The following HLA-DQA1 variants were observed in gnomAD, a reference collection of about 807,000 sequenced individuals.
HLA-DQA1 encodes the protein HLA class II histocompatibility antigen, DQ alpha 1 chain.
Under a neutral mutation model 20.7 loss-of-function variants are expected in HLA-DQA1, and 10 were observed. The observed-to-expected ratio is 0.48, with a 90% CI of 0.30 to 0.82. HLA-DQA1 has a LOEUF of 0.82. HLA-DQA1 is among the 40% of genes least tolerant of loss of function. The pLI, the probability that HLA-DQA1 is intolerant of heterozygous loss-of-function variation, is 0.07. For missense variants in HLA-DQA1, 127 were observed against 293.0 expected (o/e 0.43, Z 4.14); for synonymous variants, 39 against 109.2 (o/e 0.36, Z 4.01).
At chr6:32,640,121 AG>A (rs28359904) in intron 1 of HLA-DQA1, among the ~76,000 whole-genome samples, 9,266 of 91,356 alleles carry the variant, frequency 0.1, 1,618 homozygotes, top group East Asian at 0.22. Context: ...TGCAAAGACC[AG>A]GGAACATGAA....
Position 32,640,764 on chromosome 6 carries a change from G to T in HLA-DQA1, c.83-546G>T, listed in dbSNP as rs1781323850. The stretch of plus-strand genomic sequence containing the variant: ...ATACTCTTTCTTATACCCTACAATT[G>T]TTAGCAGAAATTATTTTAAATTAAT... On this transcript the variant is annotated intron_variant, in intron 1 of 4. Coordinates refer to ENST00000343139, the MANE Select transcript of HLA-DQA1 (RefSeq NM_002122.5). Among the ~76,000 whole-genome samples the T allele has an allele frequency of 2.2e-5, 2 of 91,846 alleles. 1 individual carries two copies. Among genetic ancestry groups the T allele is most frequent in the African/African-American group, 7.6e-5 (2 of 26,288 alleles). The allele number at this position is 91,846 out of a possible 152,430, so 60.3% of individuals were successfully genotyped here. A position where few individuals can be genotyped will look rare whatever the true frequency, so the allele number is the denominator to read the frequency against.
In HLA-DQA1 at chr6:32,641,564, C is replaced by A. The variant is rs9272712; in HGVS notation, c.331+6C>A. 1 of 962,092 alleles carries A rather than the reference C, an allele frequency of 1.0e-6. No individual in the cohort carries two copies. The highest frequency in any genetic ancestry group is 1.4e-6 in the Non-Finnish European group (1 of 701,102). 59.6% of individuals were successfully genotyped at this position (962,092 alleles called of 1,614,324 possible). A position where few individuals can be genotyped will look rare whatever the true frequency, so the allele number is the denominator to read the frequency against. On this transcript the variant is annotated splice_donor_region_variant and intron_variant, in intron 2 of 4. Coordinates refer to ENST00000343139, the MANE Select transcript of HLA-DQA1 (RefSeq NM_002122.5). Reference sequence around the variant, plus strand: ...CTCTACCGCTGCTACCAATGGTATGCGTCCACCATTCTGCCTCTCTTTACT... The same window carrying A: ...CTCTACCGCTGCTACCAATGGTATGAGTCCACCATTCTGCCTCTCTTTACT...
downstream of HLA-DQA1, chr6:32,646,142 G>A (rs997286519): frequency 2.2e-5 from 1 of 46,422 alleles, no homozygotes; most frequent in African/African-American, 7.0e-5. Context: ...CTATCAATAG[G>A]GTTACAGATC....
chr6:32,644,733 T>C (rs1451672844), downstream of HLA-DQA1: 1 of 110,144 alleles, frequency 9.1e-6, no homozygotes, highest in African/African-American at 3.2e-5. Flanking sequence ...TTTTTCTTTT[T>C]CCAGAATGAG....
chr6:32,641,521 CA>C lies in HLA-DQA1; in HGVS notation c.295del (p.Met99Ter), dbSNP rs199556640. The C allele has an allele frequency of 4.1e-4, 409 of 1,007,508 alleles. 51 individuals are homozygous for C. Among genetic ancestry groups the C allele is most frequent in the Admixed American group, 1.4e-3 (36 of 25,792 alleles). 62.4% of individuals were successfully genotyped at this position (1,007,508 alleles called of 1,614,324 possible). On this transcript the variant is annotated frameshift_variant, in exon 2 of 5. Transcript: ENST00000343139. LOFTEE classifies it high-confidence loss of function. ...CTGTGGCAAAACACAACTTGAACAT[CA>C]TGATTAAACGCTACAACTCTACCGC... ...MAVAKHNLNI[M>X]IKRYNSTAAT...
downstream of HLA-DQA1, among the ~76,000 whole-genome samples, chr6:32,647,329 C>T (rs1362614782): frequency 9.3e-5 from 9 of 96,406 alleles, 3 homozygotes; most frequent in African/African-American, 1.4e-4. Context: ...ATTAGCTGGG[C>T]GTGGTGGTGG....
At chr6:32,652,380 A>T in the HLA-DQA1 span, among the ~76,000 whole-genome samples, 5 of 100,092 alleles carry the variant, frequency 5.0e-5, 1 homozygote, top group Non-Finnish European at 9.0e-5. Flanking sequence ...TTTACCTACC[A>T]CACAGTTTTA....
At chr6:32,646,874 G>GAGAGAGAGAGAGAGAGAGAAAGAAGAGA, downstream of HLA-DQA1, 1 of 45,234 alleles carries the variant, frequency 2.2e-5, no homozygotes, top group East Asian at 6.7e-4. Flanking sequence ...TCAAGAGAGA[G>GAGAGAGAGAGAGAGAGAGAAAGAAGAGA]AGAGAAGAGA....
chr6:32,649,815 A>G (rs1425929979), downstream of HLA-DQA1, among the ~76,000 whole-genome samples: 2 of 95,556 alleles, frequency 2.1e-5, 1 homozygote, highest in African/African-American at 7.2e-5. Flanking sequence ...AGCAATGGCA[A>G]CAAAAGCCAA....
rs145384156 is a variant in HLA-DQA1 at position 32,638,983 on chromosome 6, G to A, written c.82+1443G>A. 137 of 354,564 alleles carry A rather than the reference G, an allele frequency of 3.9e-4. 19 individuals are homozygous for A. The highest frequency in any genetic ancestry group is 2.3e-3 in the Middle Eastern group (5 of 2,216). The allele number at this position is 354,564 out of a possible 1,614,324, so 22.0% of individuals were successfully genotyped here. On this transcript the variant is annotated intron_variant, in intron 1 of 4. Transcript: ENST00000343139. The stretch of plus-strand genomic sequence containing the variant: ...TTGTAAAACAAAAGTTGAAAAGTCA[G>A]ATAGTTAAAAGGGGAAGTGAACTGG...
At chr6:32,641,804 C>T (rs146420652) in intron 2 of HLA-DQA1, among the ~76,000 whole-genome samples, 168 bp from the exon 3 acceptor site, 6,118 of 111,536 alleles carry the variant, frequency 0.055, 412 homozygotes, top group East Asian at 0.096. Context: ...GAGAAGGGCA[C>T]AGGAATAAAG....
At chr6:32,645,935 G>A (rs9273215), downstream of HLA-DQA1, 274 of 29,738 alleles carry the variant, frequency 9.2e-3, 4 homozygotes, top group Non-Finnish European at 0.01. Flanking sequence ...CCAGAGTCAT[G>A]CAGAAATCTA....
downstream of HLA-DQA1, among the ~76,000 whole-genome samples, chr6:32,648,100 A>G (rs17612683): frequency 0.5 from 57,318 of 114,756 alleles, 16,169 homozygotes; most frequent in Middle Eastern, 0.7. Flanking sequence ...ATCTTGAGAT[A>G]AAATAAGATG....
chr6:32,644,974 GA>G (rs1381418472), downstream of HLA-DQA1: 3 of 144,832 alleles, frequency 2.1e-5, no homozygotes, highest in East Asian at 6.2e-4. Flanking sequence ...GTAAGCACAG[GA>G]AATCTGAACC....
the HLA-DQA1 span, among the ~76,000 whole-genome samples, chr6:32,655,157 C>A: frequency 1.8e-5 from 1 of 54,116 alleles, no homozygotes; most frequent in East Asian, 6.6e-4. Flanking sequence ...TCATGTAGTA[C>A]CCTGTAAATG....
chr6:32,643,309 G>T lies in HLA-DQA1; in HGVS notation c.*378G>T. ...TTCATCCAGGGCTGACTGAAACTAT[G>T]GCTAATAATTGGGGTACTCTTATGT... On this transcript the variant is annotated 3_prime_UTR_variant, in exon 5 of 5. Coordinates refer to ENST00000343139, the MANE Select transcript of HLA-DQA1 (RefSeq NM_002122.5). The T allele has an allele frequency of 3.4e-6, 1 of 296,330 alleles. No individual in the cohort carries two copies. Among genetic ancestry groups the T allele is most frequent in the Non-Finnish European group, 6.7e-6 (1 of 149,730 alleles). The allele number at this position is 296,330 out of a possible 1,614,324, so 18.4% of individuals were successfully genotyped here.
chr6:32,654,692 C>T, the HLA-DQA1 span, among the ~76,000 whole-genome samples: 3 of 95,446 alleles, frequency 3.1e-5, 1 homozygote, highest in Non-Finnish European at 7.0e-5. Context: ...GATGTGGAAC[C>T]CACAGATACA....
In HLA-DQA1 at chr6:32,640,823, A is replaced by AAGAAAG. The variant is rs1554150733; in HGVS notation, c.83-486_83-485insGAAAGA. Among the ~76,000 whole-genome samples, 55 of 111,876 alleles carry AAGAAAG rather than the reference A, an allele frequency of 4.9e-4. 2 individuals are homozygous for AAGAAAG. The highest frequency in any genetic ancestry group is 2.8e-3 in the South Asian group (10 of 3,540). The allele number at this position is 111,876 out of a possible 152,430, so 73.4% of individuals were successfully genotyped here. A position where few individuals can be genotyped will look rare whatever the true frequency, so the allele number is the denominator to read the frequency against. On this transcript the variant is annotated intron_variant, in intron 1 of 4. Transcript: ENST00000343139. ...GCATGCTTTTCCTTTAAAAAAAAAAAAAAGAAAGATCTCTGTGTAGAGTGT... is the reference window on the plus strand; with the variant it reads ...GCATGCTTTTCCTTTAAAAAAAAAAAAGAAAGAAAGAAAGATCTCTGTGTAGAGTGT...
downstream of HLA-DQA1, among the ~76,000 whole-genome samples, chr6:32,651,879 C>A (rs1426336944): frequency 6.2e-5 from 6 of 96,130 alleles, 3 homozygotes; most frequent in Non-Finnish European, 9.2e-5. Flanking sequence ...ATAAAATATT[C>A]CAGTAAGGGA....
Sources: allele counts gnomAD v4.1 joint callset (sites outside exome capture counted in the v4.1 genomes callset), GRCh38; gene constraint gnomAD v4.1.1; transcripts MANE v1.5; gene names NCBI Gene and HGNC (gene_info 2026-07-23, HGNC 2026-07-21).